The following TRAF3 variants were observed in gnomAD, a reference collection of about 807,000 sequenced individuals.
TRAF3 encodes TNF receptor-associated factor 3.
Under a neutral mutation model 62.3 loss-of-function variants are expected in TRAF3, and 13 were observed. The observed-to-expected ratio is 0.21, with a 90% CI of 0.14 to 0.33. The LOEUF is 0.33. TRAF3 is among the 10% of genes least tolerant of loss of function. The pLI, the probability that TRAF3 is intolerant of heterozygous loss-of-function variation, is 1.00. For missense variants in TRAF3, 440 were observed against 741.8 expected, an observed-to-expected ratio of 0.59 and a Z score of 4.73; for synonymous variants, 269 against 283.4, an observed-to-expected ratio of 0.95 and a Z score of 0.51.
intron 1 of TRAF3, among the ~76,000 whole-genome samples, chr14:102,811,399 C>T (rs1899129066): frequency 6.6e-6 from 1 of 150,752 alleles, no homozygotes; most frequent in Non-Finnish European, 1.5e-5. Flanking sequence ...GATGATAGTA[C>T]ACTGCAGCCA....
intron 2 of TRAF3, among the ~76,000 whole-genome samples, chr14:102,869,056 G>A (rs538789730): frequency 6.6e-6 from 1 of 152,182 alleles, no homozygotes. Context: ...CCAGCCCTTG[G>A]GCACATTGGC....
chr14:102,879,696 T>C (rs1888934419), intron 6 of TRAF3, among the ~76,000 whole-genome samples: 1 of 150,420 alleles, frequency 6.6e-6, no homozygotes, highest in Admixed American at 6.6e-5. Flanking sequence ...CGGCAATTAC[T>C]TTTGCACCAA....
chr14:102,830,711 T>C (rs1225214531), intron 2 of TRAF3, among the ~76,000 whole-genome samples: 3 of 152,168 alleles, frequency 2.0e-5, no homozygotes, highest in African/African-American at 7.2e-5. Flanking sequence ...GATGGGTGCA[T>C]AGCCGAGCCT....
At chr14:102,824,108 G>C (rs760004354) in intron 1 of TRAF3, among the ~76,000 whole-genome samples, 6 of 152,170 alleles carry the variant, frequency 3.9e-5, no homozygotes, top group Non-Finnish European at 5.9e-5. Context: ...TTTCTCTTGG[G>C]AATATACCTA....
chr14:102,870,070 T>C (rs1888244083), intron 2 of TRAF3, 115 bp from the exon 3 acceptor site: 1 of 1,261,508 alleles, frequency 7.9e-7, no homozygotes, highest in Non-Finnish European at 1.2e-6. Context: ...GGAAGGATTC[T>C]TGTGTTGCCT....
intron 1 of TRAF3, among the ~76,000 whole-genome samples, chr14:102,817,819 G>A (rs2139558925): frequency 6.6e-6 from 1 of 152,318 alleles, no homozygotes; most frequent in Admixed American, 6.5e-5. Flanking sequence ...CATTATTGTA[G>A]TCTATTGTTA....
At chr14:102,833,188 C>A (rs1437807495) in intron 2 of TRAF3, among the ~76,000 whole-genome samples, 1 of 152,204 alleles carries the variant, frequency 6.6e-6, no homozygotes, top group Non-Finnish European at 1.5e-5. Flanking sequence ...TTCTGTCTTT[C>A]TTGTCCCTCT....
chr14:102,880,577 A>G (rs1383008493), intron 6 of TRAF3, among the ~76,000 whole-genome samples: 1 of 152,270 alleles, frequency 6.6e-6, no homozygotes, highest in African/African-American at 2.4e-5. Context: ...AGAGGCAGAA[A>G]TAACATTTGA....
intron 1 of TRAF3, among the ~76,000 whole-genome samples, chr14:102,779,795 C>G (rs1393558763): frequency 6.6e-6 from 1 of 152,184 alleles, no homozygotes; most frequent in South Asian, 2.1e-4. Context: ...TAAATTTGCC[C>G]AACTCTATTT....
intron 1 of TRAF3, among the ~76,000 whole-genome samples, chr14:102,781,671 C>T (rs1006308015): frequency 6.6e-6 from 1 of 151,982 alleles, no homozygotes; most frequent in Non-Finnish European, 1.5e-5. Context: ...CTGTTGCCCA[C>T]GCTGGAGTGC....
At chr14:102,865,710 G>A (rs1380419363) in intron 2 of TRAF3, 1 of 152,034 alleles carries the variant, frequency 6.6e-6, no homozygotes, top group Non-Finnish European at 1.5e-5. Context: ...TGTTGGCCAG[G>A]GCTGGTCTTG....
chr14:102,816,225 C>G (rs1027973225), intron 1 of TRAF3, among the ~76,000 whole-genome samples: 3 of 152,034 alleles, frequency 2.0e-5, no homozygotes, highest in Non-Finnish European at 4.4e-5. Context: ...ACCTCAGCCC[C>G]CCAAGTAGCT....
chr14:102,891,547 T>C, intron 9 of TRAF3, 130 bp downstream of exon 9: 1 of 1,000,090 alleles, frequency 1.0e-6, no homozygotes, highest in Admixed American at 2.2e-5. Context: ...CAAAAAAAAC[T>C]CTGTGTGATC....
intron 1 of TRAF3, among the ~76,000 whole-genome samples, chr14:102,796,597 A>C (rs1898103065): frequency 6.6e-6 from 1 of 152,180 alleles, no homozygotes; most frequent in African/African-American, 2.4e-5. Context: ...ATTCTTCTGC[A>C]TTGGCGATTG....
chr14:102,857,222 G>A (rs1887423942), intron 2 of TRAF3, among the ~76,000 whole-genome samples: 1 of 152,154 alleles, frequency 6.6e-6, no homozygotes, highest in South Asian at 2.1e-4. Flanking sequence ...AGAGATCACT[G>A]ATTGGTTCAC....
chr14:102,804,156 T>G lies in TRAF3; in HGVS notation c.-156-26178T>G, dbSNP rs563884094. Among the ~76,000 whole-genome samples, 117 of 152,066 alleles carry G rather than the reference T, an allele frequency of 7.7e-4. 1 individual carries two copies. Among genetic ancestry groups the G allele is most frequent in the African/African-American group, 2.7e-3 (112 of 41,454 alleles). Reference sequence around the variant, plus strand: ...AGTGAGCCATGATTGGGCCACTGCATTCTAGCCTCAGTGACAGAGTGAGAC... The same window carrying G: ...AGTGAGCCATGATTGGGCCACTGCAGTCTAGCCTCAGTGACAGAGTGAGAC... On this transcript the variant is annotated intron_variant, in intron 1 of 11. Coordinates refer to ENST00000392745, the MANE Select transcript of TRAF3 (RefSeq NM_145725.3).
intron 1 of TRAF3, 28 bp downstream of exon 1, chr14:102,777,703 C>T (rs1897070028): frequency 2.1e-5 from 3 of 144,292 alleles, no homozygotes; most frequent in Non-Finnish European, 3.1e-5. Context: ...GCGGGCGGGC[C>T]TCCGGCGCGC....
chr14:102,864,358 C>T (rs577934288), intron 2 of TRAF3, among the ~76,000 whole-genome samples: 16 of 152,020 alleles, frequency 1.1e-4, no homozygotes, highest in East Asian at 7.7e-4. Flanking sequence ...CCGTGTTAGC[C>T]GGGATGGTCT....
chr14:102,862,985 T>G (rs1887769522), intron 2 of TRAF3, among the ~76,000 whole-genome samples: 1 of 152,174 alleles, frequency 6.6e-6, no homozygotes, highest in Admixed American at 6.5e-5. Flanking sequence ...TATCAATATT[T>G]TCTATTCAGT....
Sources: gnomAD v4.1 joint callset for allele counts (sites outside exome capture counted in the v4.1 genomes callset) on GRCh38, gnomAD v4.1.1 for gene constraint, MANE v1.5 for transcripts, NCBI Gene and HGNC (gene_info 2026-07-23, HGNC 2026-07-21) for gene names.